The following NLGN1 variants were observed in gnomAD, a reference collection of about 807,000 sequenced individuals.
The protein encoded by NLGN1 is neuroligin-1.
In NLGN1, 12 loss-of-function variants were observed where a neutral mutation model predicts 65.5. The ratio of observed to expected loss-of-function variants is 0.18; its 90% CI spans 0.12 to 0.30. The LOEUF is 0.30. NLGN1 is among the 10% of genes least tolerant of loss of function. NLGN1 has a pLI of 1.00. For synonymous variants in NLGN1, 350 were observed against 359.5 expected (o/e 0.97, Z 0.30); for missense variants, 750 against 1,007.1 (o/e 0.74, Z 3.46).
chr3:174,090,744 T>G (rs1744350805), intron 4 of NLGN1, among the ~76,000 whole-genome samples: 1 of 151,964 alleles, frequency 6.6e-6, no homozygotes, highest in African/African-American at 2.4e-5. Flanking sequence ...ATGATTTTTT[T>G]TTTTTTCAGA....
intron 4 of NLGN1, among the ~76,000 whole-genome samples, chr3:173,860,693 C>G (rs557282351): frequency 6.6e-6 from 1 of 152,176 alleles, no homozygotes. Flanking sequence ...ATCCAACCCT[C>G]TAGTCTGTAA....
At chr3:174,289,511 A>G (rs752606086), downstream of NLGN1, among the ~76,000 whole-genome samples, 3 of 151,302 alleles carry the variant, frequency 2.0e-5, no homozygotes, top group Non-Finnish European at 3.0e-5. Flanking sequence ...CTGACATCAT[A>G]GTCATCTTTA....
intron 3 of NLGN1, among the ~76,000 whole-genome samples, chr3:173,690,507 A>G (rs1274669138): frequency 6.6e-6 from 1 of 152,124 alleles, no homozygotes; most frequent in Non-Finnish European, 1.5e-5. Flanking sequence ...CTAAGTTGAA[A>G]TCTTTTTGTG....
At chr3:173,466,801 C>T (rs1357719214) in intron 2 of NLGN1, among the ~76,000 whole-genome samples, 1 of 152,120 alleles carries the variant, frequency 6.6e-6, no homozygotes, top group East Asian at 1.9e-4. Context: ...TTTAGAAATG[C>T]TGTAATACAC....
At chr3:174,223,327 C>T (rs1301576585) in intron 4 of NLGN1, among the ~76,000 whole-genome samples, 2 of 152,154 alleles carry the variant, frequency 1.3e-5, no homozygotes, top group South Asian at 2.1e-4. Context: ...GAAGTCCCTA[C>T]AGGGAAAGCT....
chr3:173,752,947 C>G (rs1315376269), intron 3 of NLGN1, among the ~76,000 whole-genome samples: 1 of 152,058 alleles, frequency 6.6e-6, no homozygotes, highest in Admixed American at 6.6e-5. Flanking sequence ...TACCCCATCC[C>G]TTCCCTTATA....
chr3:174,157,119 G>A (rs2152713617), intron 4 of NLGN1, among the ~76,000 whole-genome samples: 1 of 151,704 alleles, frequency 6.6e-6, no homozygotes, highest in African/African-American at 2.4e-5. Context: ...GGTGAGTGGT[G>A]GACCTGAGGA....
At chr3:173,628,563 C>G (rs147933498) in intron 3 of NLGN1, among the ~76,000 whole-genome samples, 1 of 151,428 alleles carries the variant, frequency 6.6e-6, no homozygotes, top group Non-Finnish European at 1.5e-5. Flanking sequence ...TCTAATAAAA[C>G]TGGGAGTAAT....
intron 4 of NLGN1, among the ~76,000 whole-genome samples, chr3:174,105,927 A>G (rs550525149): frequency 1.2e-4 from 18 of 152,264 alleles, no homozygotes; most frequent in African/African-American, 3.4e-4. Flanking sequence ...TAATTGCTCA[A>G]TGAAACAGAG....
At chr3:173,984,724 T>A (rs905577237) in intron 4 of NLGN1, among the ~76,000 whole-genome samples, 3 of 152,194 alleles carry the variant, frequency 2.0e-5, no homozygotes, top group African/African-American at 7.2e-5. Flanking sequence ...ATCTCAATGC[T>A]ATCTTGTGGT....
chr3:174,027,442 G>A (rs1024520691), intron 4 of NLGN1, among the ~76,000 whole-genome samples: 1 of 152,060 alleles, frequency 6.6e-6, no homozygotes, highest in African/African-American at 2.4e-5. Flanking sequence ...TAGGTTCAGG[G>A]GAAAGACTAT....
intron 3 of NLGN1, among the ~76,000 whole-genome samples, chr3:173,664,674 C>T (rs988959568): frequency 1.3e-5 from 2 of 152,022 alleles, no homozygotes; most frequent in Non-Finnish European, 2.9e-5. Flanking sequence ...ATCCTCAGAG[C>T]CACATGCAAA....
chr3:173,970,954 G>T (rs1243717343), intron 4 of NLGN1, among the ~76,000 whole-genome samples: 1 of 152,030 alleles, frequency 6.6e-6, no homozygotes, highest in Non-Finnish European at 1.5e-5. Flanking sequence ...TTTTAGACGT[G>T]TTAAATTTGA....
At chr3:174,165,999 T>C (rs1345462911) in intron 4 of NLGN1, among the ~76,000 whole-genome samples, 1 of 152,072 alleles carries the variant, frequency 6.6e-6, no homozygotes, top group Non-Finnish European at 1.5e-5. Context: ...GTTCATAATA[T>C]TCTCTATGAA....
At chr3:173,881,513 C>T (rs1733280777) in intron 4 of NLGN1, among the ~76,000 whole-genome samples, 1 of 150,828 alleles carries the variant, frequency 6.6e-6, no homozygotes, top group African/African-American at 2.4e-5. Context: ...CAAGCTCTAC[C>T]TCCCGGGTTC....
At chr3:174,205,684 TG>T (rs1253893395) in intron 4 of NLGN1, among the ~76,000 whole-genome samples, 2 of 152,192 alleles carry the variant, frequency 1.3e-5, no homozygotes, top group Non-Finnish European at 2.9e-5. Flanking sequence ...CTAATTTCTG[TG>T]TTTTTGTATC....
chr3:173,625,626 A>G (rs145475999), intron 3 of NLGN1, among the ~76,000 whole-genome samples: 5 of 152,252 alleles, frequency 3.3e-5, no homozygotes, highest in Admixed American at 1.3e-4. Context: ...AATAACTTTT[A>G]TGTACTAGTT....
At chr3:174,281,432 G>A in exon 7 of NLGN1, 1 of 648,442 alleles carries the variant, frequency 1.5e-6, no homozygotes, top group Non-Finnish European at 2.7e-6. Context: ...TACATATCAA[G>A]AACTTTGGGG....
intron 1 of NLGN1, among the ~76,000 whole-genome samples, chr3:173,401,123 G>T (rs1717607758): frequency 6.6e-6 from 1 of 152,090 alleles, no homozygotes; most frequent in Non-Finnish European, 1.5e-5. Context: ...TGTCATTGTG[G>T]GCTGGATAAT....
Sources: allele counts gnomAD v4.1 joint callset (sites outside exome capture counted in the v4.1 genomes callset), GRCh38; gene constraint gnomAD v4.1.1; transcripts MANE v1.5; gene names NCBI Gene and HGNC (gene_info 2026-07-23, HGNC 2026-07-21).